HERC2: variants seen among roughly 807,000 people sequenced by gnomAD.
The protein encoded by HERC2 is E3 ubiquitin-protein ligase HERC2.
A neutral mutation model predicts 537.7 loss-of-function variants in HERC2; 102 were observed. The ratio of observed to expected loss-of-function variants is 0.19; its 90% CI spans 0.16 to 0.22. The LOEUF (loss-of-function observed/expected upper bound fraction) is 0.22. Ranked by LOEUF, HERC2 falls within the 10% of genes least tolerant of loss-of-function variation. HERC2 has a pLI of 1.00. For synonymous variants in HERC2, 2,224 were observed against 2,466.2 expected (o/e 0.90, Z 2.91); for missense variants, 4,236 against 6,198.2 (o/e 0.68, Z 10.63).
chr15:28,145,746 G>A (rs1596045778), intron 71 of HERC2, among the ~76,000 whole-genome samples: 1 of 152,202 alleles, frequency 6.6e-6, no homozygotes, highest in East Asian at 1.9e-4. Flanking sequence ...TAAAATACTT[G>A]GTAAAAGACC....
chr15:28,243,532 A>G (rs938353775), intron 23 of HERC2, among the ~76,000 whole-genome samples: 2 of 152,234 alleles, frequency 1.3e-5, no homozygotes, highest in African/African-American at 4.8e-5. Flanking sequence ...AATGACTAAA[A>G]AGAAAAAAAG....
At chr15:28,297,812 A>C (rs1393490406) in intron 3 of HERC2, among the ~76,000 whole-genome samples, 1 of 151,070 alleles carries the variant, frequency 6.6e-6, no homozygotes, top group African/African-American at 2.4e-5. Flanking sequence ...CTCAAAATAG[A>C]TACATTTCAT....
intron 7 of HERC2, 81 bp downstream of exon 7, chr15:28,274,210 G>T: frequency 1.4e-6 from 2 of 1,460,876 alleles, no homozygotes; most frequent in Non-Finnish European, 1.9e-6. Flanking sequence ...AGGCTTCTTA[G>T]CTCTAAAGCA....
In HERC2 at chr15:28,229,191, T is replaced by G. The variant is rs1403669876; in HGVS notation, c.5272+4A>C. On this transcript the variant is annotated splice_donor_region_variant and intron_variant, in intron 34 of 92. Transcript: ENST00000261609. ...AAATAACATTGATACAATTATTGACTCACCAAGCTCTTTAAATTTGGCACT... is the reference window on the plus strand; with the variant it reads ...AAATAACATTGATACAATTATTGACGCACCAAGCTCTTTAAATTTGGCACT... 1 of 1,609,738 alleles carries G rather than the reference T, an allele frequency of 6.2e-7. No individual in the cohort carries two copies. Among genetic ancestry groups the G allele is most frequent in the Non-Finnish European group, 8.5e-7 (1 of 1,177,568 alleles).
intron 71 of HERC2, 133 bp from the exon 72 acceptor site, chr15:28,144,937 C>A: frequency 2.8e-6 from 3 of 1,084,420 alleles, no homozygotes; most frequent in Non-Finnish European, 4.0e-6. Flanking sequence ...CTCTCCCAAG[C>A]CGAAGTGCAC....
At chr15:28,112,104 G>A (rs1887706219) in intron 92 of HERC2, 69 bp from the exon 93 acceptor site, 1 of 1,450,394 alleles carries the variant, frequency 6.9e-7, no homozygotes, top group Admixed American at 1.9e-5. Flanking sequence ...GTGCTCATTA[G>A]ACTCTTCGTG....
intron 85 of HERC2, 81 bp downstream of exon 85, chr15:28,123,956 A>G (rs1889200129): frequency 8.5e-7 from 1 of 1,173,266 alleles, no homozygotes; most frequent in Non-Finnish European, 1.2e-6. Flanking sequence ...TATGTGTTCT[A>G]TTCCCAGTAT....
chr15:28,170,940 A>T (rs1487947230), intron 65 of HERC2, among the ~76,000 whole-genome samples: 3 of 152,260 alleles, frequency 2.0e-5, no homozygotes, highest in Non-Finnish European at 4.4e-5. Context: ...ACAATGAGAT[A>T]CAATGACCTA....
Position 28,177,009 on chromosome 15 carries a change from G to A in HERC2, c.9373C>T (p.Leu3125Phe). The change falls in exon 61 of 93, where the codon CTC becomes TTC. Residue 3125 changes from leucine (L) to phenylalanine (F), a missense_variant. Around this residue, in one of 27 missense-constraint regions of HERC2, gnomAD observed 606 missense variants for 884.5 expected, o/e 0.69. Transcript: ENST00000261609. The surrounding 1 kb of genome is among the most constrained non-coding windows in gnomAD (Gnocchi z 5.0). ...TGTCCCAGCCGGCCGTACTCGCCGA[G>A]GCCCCAGGTGTACAGTTCTCCGCTG... is the stretch of plus-strand genomic sequence containing the variant. ...TSSGELYTWGLGEYGRLGHGD... is the reference protein window; with the variant it reads ...TSSGELYTWGFGEYGRLGHGD... The A allele has an allele frequency of 6.2e-7, 1 of 1,614,132 alleles. No homozygotes were observed. The highest frequency in any genetic ancestry group is 8.5e-7 in the Non-Finnish European group (1 of 1,179,992).
At chr15:28,138,999 T>A (rs748279192) in intron 78 of HERC2, among the ~76,000 whole-genome samples, 23 of 152,212 alleles carry the variant, frequency 1.5e-4, no homozygotes, top group Non-Finnish European at 2.4e-4. Flanking sequence ...TGACCTCAGA[T>A]GTGGTGGAAA....
chr15:28,115,954 C>T (rs1036966870), intron 88 of HERC2, among the ~76,000 whole-genome samples: 8 of 152,260 alleles, frequency 5.3e-5, no homozygotes, highest in African/African-American at 1.7e-4. Context: ...TGGCCAATGG[C>T]GAAGACCTCA....
intron 7 of HERC2, among the ~76,000 whole-genome samples, chr15:28,273,664 A>G (rs948876153): frequency 6.6e-6 from 1 of 152,168 alleles, no homozygotes; most frequent in Non-Finnish European, 1.5e-5. Flanking sequence ...GCAAACGCCA[A>G]AGGCCTCCTG....
At chr15:28,163,782 C>T (rs1396717163) in intron 68 of HERC2, among the ~76,000 whole-genome samples, 1 of 152,314 alleles carries the variant, frequency 6.6e-6, no homozygotes, top group African/African-American at 2.4e-5. Flanking sequence ...TCTCTCTCTC[C>T]TTGGGTTCAT....
chr15:28,130,060 A>G, intron 83 of HERC2, 103 bp downstream of exon 83: 1 of 1,427,492 alleles, frequency 7.0e-7, no homozygotes, highest in Non-Finnish European at 9.6e-7. Flanking sequence ...GGAGTGAGCC[A>G]CCACACCTGG....
rs780106644 is a variant in HERC2, at chr15:28,167,825, A to T, written c.10416T>A (p.Ile3472=). ...SPNPWQEKRE[I]VSSEDAVTPS... is the part of the protein sequence containing the mutation. ...GGGTCACTGCGTCCTCAGAGGAAACAATCTAGTCCAAGAGTGCACAGTAGG... is the reference window on the plus strand; with the variant it reads ...GGGTCACTGCGTCCTCAGAGGAAACTATCTAGTCCAAGAGTGCACAGTAGG... Residue 3472 remains isoleucine, a splice_region_variant and synonymous_variant, in exon 68 of 93, where the codon ATT becomes ATA. Transcript: ENST00000261609. 1.3e-5 allele frequency: 21 copies of T among 1,612,252 alleles called. No homozygotes were observed. Among genetic ancestry groups the T allele is most frequent in the Non-Finnish European group, 1.8e-5 (21 of 1,179,540 alleles).
chr15:28,144,285 C>T, intron 72 of HERC2, 50 bp from the exon 73 acceptor site: 2 of 1,585,550 alleles, frequency 1.3e-6, no homozygotes, highest in Non-Finnish European at 1.7e-6. Context: ...CTAGGTACCA[C>T]CCCATAAGAA....
Position 28,139,941 on chromosome 15 carries a change from G to A in HERC2, c.12015+1491C>T, listed in dbSNP as rs1260969053. Reference sequence around the variant, plus strand: ...AGATTAGCCAGGCGTGGTGGCGGGCGCCTGTTGTCCCAGCTACTCGGGAGG... The same window carrying A: ...AGATTAGCCAGGCGTGGTGGCGGGCACCTGTTGTCCCAGCTACTCGGGAGG... On this transcript the variant is annotated intron_variant, in intron 78 of 92. Coordinates refer to ENST00000261609, the MANE Select transcript of HERC2 (RefSeq NM_004667.6). 6.6e-5 allele frequency among the ~76,000 whole-genome samples: 10 copies of A among 151,062 alleles called. No individual in the cohort carries two copies. In the East Asian group the frequency reaches 9.7e-4, roughly 15 times the overall value.
At chr15:28,181,746 C>G (rs1481648038) in intron 57 of HERC2, among the ~76,000 whole-genome samples, 2 of 152,190 alleles carry the variant, frequency 1.3e-5, no homozygotes, top group African/African-American at 4.8e-5. Context: ...GTCTTTTTCT[C>G]CTAAGCAACT....
chr15:28,117,083 A>G lies in HERC2; in HGVS notation c.13344T>C (p.Cys4448=). 1 of 1,614,132 alleles carries G rather than the reference A, an allele frequency of 6.2e-7. No individual in the cohort carries two copies. The highest frequency in any genetic ancestry group is 8.5e-7 in the Non-Finnish European group (1 of 1,180,002). The part of the protein sequence containing the change: ...DGTKSVFGQM[C]AKMSSFGPDS... The stretch of plus-strand genomic sequence containing the variant: ...CGGGACCAAACGAGCTCATCTTAGC[A>G]CACATCTGCCCAAAGACAGACTTGG... Residue 4448 remains cysteine (C), a synonymous_variant, in exon 87 of 93, where the codon TGT becomes TGC. Coordinates refer to ENST00000261609, the MANE Select transcript of HERC2 (RefSeq NM_004667.6).
Sources: allele counts gnomAD v4.1 joint callset (sites outside exome capture counted in the v4.1 genomes callset), GRCh38; gene constraint gnomAD v4.1.1; regional missense constraint gnomAD v4.1.1; non-coding constraint Gnocchi (gnomAD v3.1); transcripts MANE v1.5; gene names NCBI Gene and HGNC (gene_info 2026-07-23, HGNC 2026-07-21).